Variants in ZNF536 observed in about 807,000 individuals in gnomAD.
The protein encoded by ZNF536 is zinc finger protein 536.
In ZNF536, 13 loss-of-function variants were observed where a neutral mutation model predicts 84.5. The observed-to-expected ratio is 0.15, with a 90% CI of 0.10 to 0.24. The LOEUF is 0.24. Among genes scored for constraint, ZNF536 ranks in the 10% least tolerant of loss-of-function variants. ZNF536 has a pLI of 1.00. For missense variants in ZNF536, 1,536 were observed against 1,747.5 expected, an observed-to-expected ratio of 0.88 and a Z score of 2.16; for synonymous variants, 811 against 742.5, an observed-to-expected ratio of 1.09 and a Z score of -1.50.
chr19:30,399,588 T>G (rs1341934858), intron 1 of ZNF536, among the ~76,000 whole-genome samples: 1 of 152,190 alleles, frequency 6.6e-6, no homozygotes. Flanking sequence ...GAGTTAATTT[T>G]TGTATAAGGT....
At chr19:30,376,268 A>G (rs966264626) in intron 1 of ZNF536, among the ~76,000 whole-genome samples, 5 of 152,040 alleles carry the variant, frequency 3.3e-5, no homozygotes, top group African/African-American at 7.2e-5. Flanking sequence ...GTTGAGGGTG[A>G]TGGTGATGGT....
intron 1 of ZNF536, among the ~76,000 whole-genome samples, chr19:30,622,236 C>A (rs2048508604): frequency 6.6e-6 from 1 of 152,150 alleles, no homozygotes; most frequent in African/African-American, 2.4e-5. Flanking sequence ...GATATTGCCC[C>A]AAAGAAGGAG....
Position 30,329,040 on chromosome 19 carries a change from G to C in ZNF536, c.-119-23328G>C, listed in dbSNP as rs373074180. Reference sequence around the variant, plus strand: ...GAGCTCTGTTGGGTTTTGTTCAAACGGATCTTCTTTGAGGGGTTGCTTTGC... The same window carrying C: ...GAGCTCTGTTGGGTTTTGTTCAAACCGATCTTCTTTGAGGGGTTGCTTTGC... On this transcript the variant is annotated intron_variant, in intron 2 of 5. Transcript: ENST00000585628. Among the ~76,000 whole-genome samples, 4 of 152,310 alleles carry C rather than the reference G, an allele frequency of 2.6e-5. No individual in the cohort carries two copies. In the East Asian group the frequency reaches 5.8e-4, roughly 22 times the overall value.
chr19:30,489,733 T>C (rs542525426), intron 2 of ZNF536, among the ~76,000 whole-genome samples: 10 of 152,204 alleles, frequency 6.6e-5, no homozygotes, highest in Non-Finnish European at 1.5e-4. Context: ...TAGAAAGAAG[T>C]CTATAAAAGT....
intron 1 of ZNF536, among the ~76,000 whole-genome samples, chr19:30,692,704 C>T (rs1042241479): frequency 1.3e-5 from 2 of 152,156 alleles, no homozygotes; most frequent in African/African-American, 2.4e-5. Flanking sequence ...AGCCCCAAGA[C>T]TCCGGCTCCT....
chr19:30,495,511 G>C (rs2054682778), intron 2 of ZNF536, among the ~76,000 whole-genome samples: 1 of 152,214 alleles, frequency 6.6e-6, no homozygotes, highest in Non-Finnish European at 1.5e-5. Context: ...AGGCATGCTG[G>C]TGTTTCGAAC....
intron 1 of ZNF536, among the ~76,000 whole-genome samples, chr19:30,590,922 G>A (rs566551880): frequency 1.1e-4 from 17 of 152,366 alleles, no homozygotes; most frequent in Admixed American, 3.9e-4. Context: ...AACTGGCAAG[G>A]GGCAAAGGGC....
In ZNF536 at chr19:30,294,720, C is replaced by T. The variant is rs191071997; in HGVS notation, c.-120+10579C>T. ...CCCTAGAGAAGGTTTTGGAAGTTTG[C>T]GGAATTCTTACAAGATACACCTGCC... is the stretch of plus-strand genomic sequence containing the variant. On this transcript the variant is annotated intron_variant, in intron 2 of 5. Transcript: ENST00000585628. Among the ~76,000 whole-genome samples the T allele has an allele frequency of 1.6e-3, 237 of 152,258 alleles. 1 individual carries two copies. Among genetic ancestry groups the T allele is most frequent in the African/African-American group, 5.2e-3 (217 of 41,552 alleles).
Position 30,689,411 on chromosome 19 carries a change from C to T in ZNF536, c.170-21346C>T, listed in dbSNP as rs973711817. Among the ~76,000 whole-genome samples the T allele has an allele frequency of 9.9e-5, 15 of 152,238 alleles. No individual in the cohort carries two copies. In the East Asian group the frequency reaches 1.3e-3, roughly 14 times the overall value. ...AGAGGGGATGTATAGGCAGCATACC[C>T]TGTCCAAACAGGAACATTTTCTTTC... On this transcript the variant is annotated intron_variant, in intron 1 of 1. Coordinates refer to the ZNF536 transcript ENST00000592773.
chr19:30,515,686 C>G (rs867135976), intron 2 of ZNF536, among the ~76,000 whole-genome samples: 26 of 152,066 alleles, frequency 1.7e-4, no homozygotes, highest in African/African-American at 6.3e-4. Context: ...CCTGGCCTTC[C>G]TCTTCTTAAT....
In ZNF536 at chr19:30,659,956, T is replaced by G. The variant is rs981291554; in HGVS notation, c.170-50801T>G. ...TCCTACCCTGTTTGACACAAGGGTG[T>G]GTGTGTGTGTGTGTGTGTGTGTGTG... On this transcript the variant is annotated intron_variant, in intron 1 of 1. Transcript: ENST00000592773. 9.3e-5 allele frequency among the ~76,000 whole-genome samples: 13 copies of G among 140,012 alleles called. 1 individual carries two copies. The highest frequency in any genetic ancestry group is 3.4e-4 in the African/African-American group (11 of 32,530). 91.9% of individuals were successfully genotyped at this position (140,012 alleles called of 152,430 possible). A position where few individuals can be genotyped will look rare whatever the true frequency, so the allele number is the denominator to read the frequency against.
intron 1 of ZNF536, among the ~76,000 whole-genome samples, chr19:30,234,970 C>G (rs1009171360): frequency 2.6e-5 from 4 of 152,108 alleles, no homozygotes; most frequent in Admixed American, 1.3e-4. Flanking sequence ...GTAGGACCCT[C>G]GGGAGGTGGT....
At chr19:30,708,963 C>A (rs1250621188) in intron 1 of ZNF536, among the ~76,000 whole-genome samples, 1 of 152,132 alleles carries the variant, frequency 6.6e-6, no homozygotes, top group Admixed American at 6.5e-5. Context: ...CAAATGAAAC[C>A]CAGCTCTGGG....
chr19:30,280,571 T>C (rs1439365264), intron 1 of ZNF536, among the ~76,000 whole-genome samples: 1 of 152,176 alleles, frequency 6.6e-6, no homozygotes, highest in Non-Finnish European at 1.5e-5. Context: ...CTCCAAATTG[T>C]CATGGTGTGG....
rs73546160 is a variant in ZNF536, at chr19:30,466,749, A to G, written c.2170+21017A>G. On this transcript the variant is annotated intron_variant, in intron 2 of 4. Transcript: ENST00000355537. ...GGAAGGAGGGAGGGAGGGAAGGAAG[A>G]AAGGAGGGAAGGAAGGAAGGAAGGA... 4.0e-3 allele frequency among the ~76,000 whole-genome samples: 237 copies of G among 58,608 alleles called. 7 individuals carry two copies. Among genetic ancestry groups the G allele is most frequent in the South Asian group, 9.8e-3 (13 of 1,322 alleles). 38.4% of individuals were successfully genotyped at this position (58,608 alleles called of 152,430 possible).
At chr19:30,407,363 G>A (rs1225046456) in intron 1 of ZNF536, among the ~76,000 whole-genome samples, 2 of 152,146 alleles carry the variant, frequency 1.3e-5, no homozygotes, top group African/African-American at 4.8e-5. Context: ...TACAACTATA[G>A]TCATCAACAT....
At chr19:30,271,294 C>CTTTTTTTTTT (rs879683203) in intron 1 of ZNF536, among the ~76,000 whole-genome samples, 3 of 103,198 alleles carry the variant, frequency 2.9e-5, no homozygotes, top group Admixed American at 1.1e-4. Flanking sequence ...GTGTTTTTTT[C>CTTTTTTTTTT]TTTTCTTTTT....
chr19:30,378,897 C>T (rs936628948), intron 1 of ZNF536, among the ~76,000 whole-genome samples: 1 of 152,198 alleles, frequency 6.6e-6, no homozygotes, highest in Non-Finnish European at 1.5e-5. Flanking sequence ...TGTGCCAGTG[C>T]TGGAGGGACA....
At chr19:30,640,148 G>A (rs1293923106) in intron 1 of ZNF536, among the ~76,000 whole-genome samples, 2 of 152,156 alleles carry the variant, frequency 1.3e-5, no homozygotes, top group African/African-American at 4.8e-5. Flanking sequence ...TTGGGAGGCT[G>A]AGGTGGAAGG....
Sources: gnomAD v4.1 joint callset for allele counts (sites outside exome capture counted in the v4.1 genomes callset) on GRCh38, gnomAD v4.1.1 for gene constraint, MANE v1.5 for transcripts, NCBI Gene and HGNC (gene_info 2026-07-23, HGNC 2026-07-21) for gene names.